Variants in GTF3C5 observed in about 807,000 individuals in gnomAD.
GTF3C5 encodes general transcription factor 3C polypeptide 5.
GTF3C5 carries 47 observed loss-of-function variants against 61.0 expected under a neutral mutation model. That is an observed-to-expected ratio of 0.77 (90% CI 0.61 to 0.98). The LOEUF is 0.98. Ranked by LOEUF, GTF3C5 falls within the 50% of genes least tolerant of loss-of-function variation. The pLI is 0.00. For missense variants in GTF3C5, 659 were observed against 703.3 expected, an observed-to-expected ratio of 0.94 and a Z score of 0.71; for synonymous variants, 295 against 275.4, an observed-to-expected ratio of 1.07 and a Z score of -0.71.
chr9:133,035,799 G>A (rs1849845551), intron 1 of GTF3C5, among the ~76,000 whole-genome samples: 1 of 152,216 alleles, frequency 6.6e-6, no homozygotes, highest in Non-Finnish European at 1.5e-5. Context: ...GACATGGACA[G>A]TAGCTATTTC....
At chr9:133,033,207 T>C (rs1048320241) in intron 1 of GTF3C5, among the ~76,000 whole-genome samples, 7 of 152,118 alleles carry the variant, frequency 4.6e-5, no homozygotes, top group African/African-American at 1.7e-4. Flanking sequence ...CAGGTACCCC[T>C]CGGGGAACTC....
chr9:133,050,153 C>G (rs1850326438), intron 3 of GTF3C5, among the ~76,000 whole-genome samples: 1 of 152,124 alleles, frequency 6.6e-6, no homozygotes, highest in Admixed American at 6.5e-5. Context: ...GGGACCTTTG[C>G]AGCCAGCCTT....
intron 8 of GTF3C5, chr9:133,055,322 G>T (rs1239656308): frequency 7.3e-7 from 1 of 1,368,534 alleles, no homozygotes; most frequent in Non-Finnish European, 9.6e-7. Flanking sequence ...CGAGAAGGGG[G>T]CATCCCGCAC....
intron 1 of GTF3C5, among the ~76,000 whole-genome samples, chr9:133,040,249 C>G (rs1272799171): frequency 2.6e-5 from 4 of 152,166 alleles, no homozygotes; most frequent in African/African-American, 4.8e-5. Context: ...TCCTGAGAAC[C>G]AAGTCTTCTT....
chr9:133,037,153 T>G (rs1407499897), intron 1 of GTF3C5, among the ~76,000 whole-genome samples: 2 of 152,266 alleles, frequency 1.3e-5, no homozygotes, highest in Middle Eastern at 3.4e-3. Flanking sequence ...TGGGGATCTT[T>G]CCATTCGCAA....
At chr9:133,044,827 A>G (rs1033819053) in intron 3 of GTF3C5, among the ~76,000 whole-genome samples, 3 of 151,784 alleles carry the variant, frequency 2.0e-5, no homozygotes, top group Admixed American at 6.6e-5. Flanking sequence ...CTCTCTCATC[A>G]GTAGTGGGTT....
intron 1 of GTF3C5, among the ~76,000 whole-genome samples, chr9:133,034,874 A>G (rs1250054963): frequency 3.3e-5 from 5 of 152,212 alleles, no homozygotes; most frequent in Non-Finnish European, 5.9e-5. Flanking sequence ...TGGAGTGTAG[A>G]TAAGGCAACC....
chr9:133,057,203 G>A (rs1230804028), intron 10 of GTF3C5, among the ~76,000 whole-genome samples: 4 of 152,110 alleles, frequency 2.6e-5, no homozygotes, highest in African/African-American at 7.2e-5. Context: ...TCCACCTGAC[G>A]CCCTCACACC....
intron 1 of GTF3C5, among the ~76,000 whole-genome samples, chr9:133,041,774 A>G (rs750955806): frequency 6.6e-6 from 1 of 152,216 alleles, no homozygotes; most frequent in South Asian, 2.1e-4. Context: ...TGGTCCCTAC[A>G]AAGATAAGGG....
rs752465389 is a variant in GTF3C5 at position 133,031,120 on chromosome 9, G to T, written c.109G>T (p.Ala37Ser). 6.2e-7 allele frequency: 1 copy of T among 1,601,128 alleles called. No individual in the cohort carries two copies. Among genetic ancestry groups the T allele is most frequent in the Non-Finnish European group, 8.5e-7 (1 of 1,172,924 alleles). Residue 37 changes from alanine to serine, a missense_variant, in exon 1 of 11, where the codon GCT becomes TCT. Transcript: ENST00000372097. ...VEYPGVVRDV[A>S]KMLPTLGGEE... Reference sequence around the variant, plus strand: ...GTACCCGGGAGTGGTGCGTGATGTGGCTAAGATGCTGCCGACTCTGGGCGG... The same window carrying T: ...GTACCCGGGAGTGGTGCGTGATGTGTCTAAGATGCTGCCGACTCTGGGCGG...
intron 2 of GTF3C5, among the ~76,000 whole-genome samples, chr9:133,043,233 G>C (rs3011288): frequency 3.6e-3 from 541 of 152,324 alleles, no homozygotes; most frequent in Non-Finnish European, 6.6e-3. Flanking sequence ...TTTGGGACAA[G>C]GTTTCCCAAG....
At chr9:133,033,321 G>C (rs1215950800) in intron 1 of GTF3C5, among the ~76,000 whole-genome samples, 1 of 152,130 alleles carries the variant, frequency 6.6e-6, no homozygotes, top group South Asian at 2.1e-4. Context: ...ATGCCAGAGT[G>C]AAAGGGATGG....
In GTF3C5 at chr9:133,056,899, A is replaced by G. The variant is rs1290770660; in HGVS notation, c.1384A>G (p.Lys462Glu). ...SLMIRQTIRS[K>E]RPALFSSSAK... Reference sequence around the variant, plus strand: ...CATGATCCGGCAGACCATCCGCTCCAAGAGGCCTGGTAAGAGCCGCTTGGG... The same window carrying G: ...CATGATCCGGCAGACCATCCGCTCCGAGAGGCCTGGTAAGAGCCGCTTGGG... The change falls in exon 10 of 11, where the codon AAG (lysine) becomes GAG (glutamate). Residue 462 changes from lysine to glutamate, a missense_variant. Coordinates refer to ENST00000372097, the MANE Select transcript of GTF3C5 (RefSeq NM_012087.4). 1.2e-6 allele frequency: 2 copies of G among 1,602,672 alleles called. No homozygotes were observed. The highest frequency in any genetic ancestry group is 1.7e-6 in the Non-Finnish European group (2 of 1,174,824).
In GTF3C5 at chr9:133,057,473, G is replaced by A. The variant is rs114190467; in HGVS notation, c.1394-341G>A. Reference sequence around the variant, plus strand: ...CCAGCCACGCCCCACAGATCTGACCGAAGCAGGGGTTCTTGGTCTTGCTTG... The same window carrying A: ...CCAGCCACGCCCCACAGATCTGACCAAAGCAGGGGTTCTTGGTCTTGCTTG... On this transcript the variant is annotated intron_variant, in intron 10 of 10. Coordinates refer to ENST00000372097, the MANE Select transcript of GTF3C5 (RefSeq NM_012087.4). 3.8e-3 allele frequency among the ~76,000 whole-genome samples: 586 copies of A among 152,350 alleles called. 4 individuals are homozygous for A. The highest frequency in any genetic ancestry group is 0.013 in the African/African-American group (540 of 41,588).
intron 3 of GTF3C5, among the ~76,000 whole-genome samples, chr9:133,047,477 A>G (rs1381245853): frequency 1.3e-5 from 2 of 152,006 alleles, no homozygotes; most frequent in Non-Finnish European, 1.5e-5. Flanking sequence ...CTGTAAGTGT[A>G]TTGTACTCAC....
intron 1 of GTF3C5, among the ~76,000 whole-genome samples, chr9:133,031,907 G>T (rs532425802): frequency 8.5e-4 from 130 of 152,262 alleles, no homozygotes; most frequent in African/African-American, 3.0e-3. Flanking sequence ...GACAGAGCAG[G>T]TGATAGAAGC....
At chr9:133,041,616 A>C (rs969653237) in intron 1 of GTF3C5, among the ~76,000 whole-genome samples, 2 of 152,098 alleles carry the variant, frequency 1.3e-5, no homozygotes, top group Admixed American at 1.3e-4. Context: ...GTGCAGCCAG[A>C]CATTTGGGGC....
chr9:133,052,294 C>A, intron 5 of GTF3C5, 130 bp downstream of exon 5: 2 of 575,686 alleles, frequency 3.5e-6, no homozygotes, highest in Non-Finnish European at 3.1e-6. Flanking sequence ...TCCTGCCCCA[C>A]CCCCATCCTG....
rs1364418938 is a variant in GTF3C5 at position 133,031,084 on chromosome 9, G to C, written c.73G>C (p.Val25Leu). ...PVELRRERRM[V>L]CVEYPGVVRD... ...GGAGCTGAGGCGGGAGCGACGCATG[G>C]TGTGCGTGGAGTACCCGGGAGTGGT... Residue 25 changes from valine (V) to leucine (L), a missense_variant, in exon 1 of 11, where the codon GTG (valine) becomes CTG (leucine). Coordinates refer to ENST00000372097, the MANE Select transcript of GTF3C5 (RefSeq NM_012087.4). 2.5e-6 allele frequency: 4 copies of C among 1,610,026 alleles called. No homozygotes were observed. The highest frequency in any genetic ancestry group is 3.4e-6 in the Non-Finnish European group (4 of 1,177,858).
Sources: allele counts gnomAD v4.1 joint callset (sites outside exome capture counted in the v4.1 genomes callset), GRCh38; gene constraint gnomAD v4.1.1; transcripts MANE v1.5; gene names NCBI Gene and HGNC (gene_info 2026-07-23, HGNC 2026-07-21).